Variants in ACOX1 observed in about 807,000 individuals in gnomAD.
ACOX1 encodes acyl-CoA oxidase 1, also known as peroxisomal acyl-coenzyme A oxidase 1.
ACOX1 carries 41 observed loss-of-function variants against 75.5 expected under a neutral mutation model. The ratio of observed to expected loss-of-function variants is 0.54; its 90% CI spans 0.42 to 0.70. The LOEUF (loss-of-function observed/expected upper bound fraction) is 0.70. Among genes scored for constraint, ACOX1 ranks in the 30% least tolerant of loss-of-function variants. ACOX1 has a pLI of 0.00. For missense variants in ACOX1, 630 were observed against 837.5 expected (o/e 0.75, Z 3.06); for synonymous variants, 303 against 298.8 (o/e 1.01, Z -0.15).
intron 2 of ACOX1, among the ~76,000 whole-genome samples, chr17:75,971,124 T>C (rs779685549): frequency 1.3e-4 from 20 of 151,846 alleles, no homozygotes; most frequent in Non-Finnish European, 1.9e-4. Flanking sequence ...AAACCCCGTC[T>C]CTACTGAAAA....
chr17:75,976,166 C>T (rs1022893772), intron 2 of ACOX1, among the ~76,000 whole-genome samples: 1 of 152,160 alleles, frequency 6.6e-6, no homozygotes, highest in African/African-American at 2.4e-5. Context: ...AAACTGATCT[C>T]CTTGTCATAT....
At chr17:75,975,001 G>A (rs1337896306) in intron 2 of ACOX1, among the ~76,000 whole-genome samples, 5 of 120,754 alleles carry the variant, frequency 4.1e-5, no homozygotes, top group Non-Finnish European at 8.0e-5. Context: ...AGTGAGCCGA[G>A]ATCGCACCAC....
intron 7 of ACOX1, among the ~76,000 whole-genome samples, chr17:75,952,164 A>G (rs2065780631): frequency 6.6e-6 from 1 of 152,224 alleles, no homozygotes; most frequent in South Asian, 2.1e-4. Context: ...AGCTCTACTC[A>G]CCAGATGGCT....
rs577713088 is a variant in ACOX1, at chr17:75,950,617, C to T, written c.1298+157G>A. 4.6e-5 allele frequency among the ~76,000 whole-genome samples: 7 copies of T among 151,918 alleles called. No homozygotes were observed. Among genetic ancestry groups the T allele is most frequent in the East Asian group, 1.9e-4 (1 of 5,188 alleles). ...TGCTTCATACTCTCTAGCCTCACCA[C>T]GAAATAAAAACCGTGAGTCAGGATG... On this transcript the variant is annotated intron_variant, in intron 9 of 13. Transcript: ENST00000293217. This position sits in a 1 kb window ranked among gnomAD's most constrained non-coding sequence, Gnocchi z 4.3.
At chr17:75,962,926 T>C (rs1598188920) in intron 2 of ACOX1, among the ~76,000 whole-genome samples, 2 of 151,094 alleles carry the variant, frequency 1.3e-5, no homozygotes, top group African/African-American at 4.9e-5. Context: ...GAGGTTGGAG[T>C]TCAAGACCAG....
chr17:75,972,781 G>T (rs975858605), intron 2 of ACOX1, among the ~76,000 whole-genome samples: 1 of 151,954 alleles, frequency 6.6e-6, no homozygotes, highest in African/African-American at 2.4e-5. Flanking sequence ...ACCATGACCA[G>T]AAAGCTGCAG....
rs199572141 is a variant in ACOX1 at position 75,955,870 on chromosome 17, T to C, written c.616A>G (p.Ile206Val). ...KGKCYGLHAF[I>V]VPIREIGTHK... ...GTCCCGATTTCACGAATAGGTACGA[T>C]AAAGGCATGTAATCCATAGCATTTC... is the stretch of plus-strand genomic sequence containing the variant. The change falls in exon 5 of 14, where the codon ATC becomes GTC. Residue 206 changes from isoleucine (I) to valine (V), a missense_variant. Ile to Val is a conservative substitution (Grantham distance 29). Transcript: ENST00000293217. 1.6e-4 allele frequency: 258 copies of C among 1,614,030 alleles called. No homozygotes were observed. Among genetic ancestry groups the C allele is most frequent in the Non-Finnish European group, 2.2e-4 (254 of 1,180,044 alleles).
rs201177699 is a variant in ACOX1 at position 75,949,776 on chromosome 17, T to C, written c.1420A>G (p.Met474Val). 5.6e-6 allele frequency: 9 copies of C among 1,614,170 alleles called. No individual in the cohort carries two copies. Among genetic ancestry groups the C allele is most frequent in the Non-Finnish European group, 7.6e-6 (9 of 1,180,040 alleles). Reference sequence around the variant, plus strand: ...CTTTCGGGGCTGTTGATATCCACCATGGTTGGCCAGACTGCTACCTGCTGT... The same window carrying C: ...CTTTCGGGGCTGTTGATATCCACCACGGTTGGCCAGACTGCTACCTGCTGT... ...QPQQVAVWPT[M>V]VDINSPESLT... The change falls in exon 10 of 14, where the codon ATG (methionine) becomes GTG (valine). Residue 474 changes from methionine (M) to valine (V), a missense_variant. By Grantham distance (21) the Met-to-Val change is conservative (BLOSUM62 1). Around this residue, in one of 2 missense-constraint regions of ACOX1, gnomAD observed 240 missense variants for 262.7 expected, o/e 0.91. Transcript: ENST00000293217.
rs536950618 is a variant in ACOX1 at position 75,942,024 on chromosome 17, G to A, written c.*4724C>T. On this transcript the variant is annotated 3_prime_UTR_variant, in exon 14 of 14. Transcript: ENST00000293217. ...AAAACACCCTTGAATCTAGGAATGT[G>A]CACATATGCAACAGCTAACATCTGG... The A allele has an allele frequency of 6.6e-6, 1 of 152,302 alleles. No homozygotes were observed. The highest frequency in any genetic ancestry group is 1.9e-4 in the East Asian group (1 of 5,186). The allele number at this position is 152,302 out of a possible 1,614,324, so 9.4% of individuals were successfully genotyped here. A position where few individuals can be genotyped will look rare whatever the true frequency, so the allele number is the denominator to read the frequency against.
chr17:75,975,887 GAAAGAA>G (rs1341101229), intron 2 of ACOX1, among the ~76,000 whole-genome samples: 2 of 145,752 alleles, frequency 1.4e-5, no homozygotes, highest in Non-Finnish European at 3.0e-5. Context: ...GAAAGAGAGA[GAAAGAA>G]AAAGAAAGAG....
At chr17:75,974,054 G>A (rs2066021852) in intron 2 of ACOX1, among the ~76,000 whole-genome samples, 1 of 151,708 alleles carries the variant, frequency 6.6e-6, no homozygotes, top group Admixed American at 6.6e-5. Context: ...TTCTACCTAA[G>A]TTTTAGCATA....
chr17:75,956,914 T>C (rs1418967135), intron 4 of ACOX1, among the ~76,000 whole-genome samples: 40 of 42,164 alleles, frequency 9.5e-4, no homozygotes, highest in Admixed American at 2.9e-3. Flanking sequence ...GGCTTTCCTC[T>C]CTCTCTCTCT....
chr17:75,949,173 C>A (rs184542948), intron 12 of ACOX1, 44 bp downstream of exon 12: 3 of 1,612,480 alleles, frequency 1.9e-6, no homozygotes, highest in East Asian at 4.5e-5. Flanking sequence ...AATTATTTTT[C>A]TTAAAACAAC....
intron 4 of ACOX1, among the ~76,000 whole-genome samples, chr17:75,956,882 A>G (rs1377077415): frequency 7.1e-6 from 1 of 140,116 alleles, no homozygotes; most frequent in Non-Finnish European, 1.5e-5. Flanking sequence ...CTATAGGTCT[A>G]TAGGTATGTG....
intron 3 of ACOX1, among the ~76,000 whole-genome samples, chr17:75,959,918 T>C (rs2065872682): frequency 6.6e-6 from 1 of 152,182 alleles, no homozygotes; most frequent in African/African-American, 2.4e-5. Flanking sequence ...GCACACAGAT[T>C]CTATACAACC....
chr17:75,955,019 C>T (rs2065810902), intron 6 of ACOX1, among the ~76,000 whole-genome samples: 1 of 152,120 alleles, frequency 6.6e-6, no homozygotes, highest in African/African-American at 2.4e-5. Context: ...AGGTGCGCAC[C>T]ACCACGCCCA....
In ACOX1 at chr17:75,949,234, C is replaced by A. The variant is rs748619167; in HGVS notation, c.1711G>T (p.Ala571Ser). 1.7e-5 allele frequency: 28 copies of A among 1,614,078 alleles called. No homozygotes were observed. The African/African-American group carries it at 3.7e-4, about 22-fold the overall frequency. Residue 571 changes from alanine (A) to serine (S), a missense_variant, in exon 12 of 14, where the codon GCG (alanine) becomes TCG (serine). By Grantham distance (99) the Ala-to-Ser change is moderately conservative. Around this residue, in one of 2 missense-constraint regions of ACOX1, gnomAD observed 240 missense variants for 262.7 expected, o/e 0.91. Transcript: ENST00000293217. ...ATACTGACCTGAAGGAAATCCCCCG[C>A]GTTCTGACTGATTCCATACAGAGAA... ...LYSLYGISQN[A>S]GDFLQGSIMT...
rs778192910 is a variant in ACOX1 at position 75,950,367 on chromosome 17, T to C, written c.1298+407A>G. 2.0e-5 allele frequency among the ~76,000 whole-genome samples: 3 copies of C among 152,058 alleles called. No homozygotes were observed. The highest frequency in any genetic ancestry group is 4.4e-5 in the Non-Finnish European group (3 of 68,020). ...TTCAAGCGATTCTTCTGCCTCAGCCTCCCAAGTAGGCCGGGATTACAGGCA... is the reference window on the plus strand; with the variant it reads ...TTCAAGCGATTCTTCTGCCTCAGCCCCCCAAGTAGGCCGGGATTACAGGCA... On this transcript the variant is annotated intron_variant, in intron 9 of 13. Coordinates refer to ENST00000293217, the MANE Select transcript of ACOX1 (RefSeq NM_004035.7). The surrounding 1 kb of genome is among the most constrained non-coding windows in gnomAD (Gnocchi z 4.3).
intron 12 of ACOX1, 115 bp downstream of exon 12, chr17:75,949,102 T>A (rs2065749421): frequency 1.6e-6 from 2 of 1,215,070 alleles, no homozygotes; most frequent in African/African-American, 3.0e-5. Flanking sequence ...GTGATCACCG[T>A]ACCCGCCTTG....
Sources: allele counts gnomAD v4.1 joint callset (sites outside exome capture counted in the v4.1 genomes callset), GRCh38; gene constraint gnomAD v4.1.1; regional missense constraint gnomAD v4.1.1; non-coding constraint Gnocchi (gnomAD v3.1); transcripts MANE v1.5; gene names NCBI Gene and HGNC (gene_info 2026-07-23, HGNC 2026-07-21).